CNTN3: variants seen among roughly 807,000 people sequenced by gnomAD.
CNTN3 encodes contactin 3, also known as contactin-3.
In CNTN3, 60 loss-of-function variants were observed where a neutral mutation model predicts 119.1. That is an observed-to-expected ratio of 0.50 (90% CI 0.41 to 0.62). CNTN3 has a LOEUF of 0.62. Ranked by LOEUF, CNTN3 falls within the 20% of genes least tolerant of loss-of-function variation. The pLI is 0.00. For missense variants in CNTN3, 1,101 were observed against 1,242.4 expected (o/e 0.89, Z 1.71); for synonymous variants, 450 against 438.7 (o/e 1.03, Z -0.32).
At chr3:74,465,786 A>G (rs1204949409) in intron 4 of CNTN3, among the ~76,000 whole-genome samples, 1 of 152,124 alleles carries the variant, frequency 6.6e-6, no homozygotes, top group Admixed American at 6.5e-5. Flanking sequence ...CAGGGCTCCT[A>G]TTTCAAGCTT....
intron 4 of CNTN3, among the ~76,000 whole-genome samples, chr3:74,473,795 G>A (rs1053790812): frequency 1.3e-5 from 2 of 152,148 alleles, no homozygotes; most frequent in Non-Finnish European, 2.9e-5. Flanking sequence ...GTACAGACCC[G>A]GGGGAAGGGT....
chr3:74,584,589 G>T (rs1015700102), intron 1 of CNTN3, among the ~76,000 whole-genome samples: 1 of 152,074 alleles, frequency 6.6e-6, no homozygotes, highest in African/African-American at 2.4e-5. Context: ...TGTACAGTCT[G>T]CAGATCCGTG....
At chr3:74,591,819 G>A (rs78222364) in intron 1 of CNTN3, among the ~76,000 whole-genome samples, 2 of 151,868 alleles carry the variant, frequency 1.3e-5, no homozygotes, top group Admixed American at 6.6e-5. Context: ...AATCAAGAGC[G>A]AGACATTCAG....
At chr3:74,574,707 C>T (rs984806440) in intron 1 of CNTN3, among the ~76,000 whole-genome samples, 1 of 152,128 alleles carries the variant, frequency 6.6e-6, no homozygotes, top group African/African-American at 2.4e-5. Flanking sequence ...TGTTACCAAA[C>T]TGGGTTAACT....
At chr3:74,317,724 C>T (rs1166900362) in intron 13 of CNTN3, among the ~76,000 whole-genome samples, 4 of 152,176 alleles carry the variant, frequency 2.6e-5, no homozygotes, top group Admixed American at 1.3e-4. Context: ...GTCTGATGGG[C>T]TTCCCTTTGT....
chr3:74,602,626 T>C (rs1324888101), intron 1 of CNTN3, among the ~76,000 whole-genome samples: 2 of 152,102 alleles, frequency 1.3e-5, no homozygotes, highest in Non-Finnish European at 2.9e-5. Flanking sequence ...TTTTGGGGCA[T>C]AGTTCTTGTT....
chr3:74,378,301 G>A (rs932535604), intron 5 of CNTN3, among the ~76,000 whole-genome samples: 16 of 152,278 alleles, frequency 1.1e-4, no homozygotes, highest in East Asian at 1.9e-4. Flanking sequence ...TGAAGAGTCC[G>A]CACTGTAAAC....
chr3:74,605,710 T>C (rs2106710877), intron 1 of CNTN3, among the ~76,000 whole-genome samples: 1 of 152,300 alleles, frequency 6.6e-6, no homozygotes, highest in South Asian at 2.1e-4. Flanking sequence ...TCAAGGAGGC[T>C]TGCCTGGACT....
At chr3:74,478,108 A>T (rs866530166) in intron 4 of CNTN3, among the ~76,000 whole-genome samples, 1 of 152,170 alleles carries the variant, frequency 6.6e-6, no homozygotes, top group African/African-American at 2.4e-5. Flanking sequence ...AACAAAGTAC[A>T]AATGTAAATG....
chr3:74,311,053 G>T (rs542918311), intron 13 of CNTN3, among the ~76,000 whole-genome samples: 5 of 152,302 alleles, frequency 3.3e-5, no homozygotes, highest in African/African-American at 1.2e-4. Context: ...ACTGTGCCAA[G>T]AATCCAAGAT....
At position 74,302,690 on chromosome 3, in the gene CNTN3, C is replaced by T; in HGVS notation, c.1786G>A (p.Gly596Ser). 6.3e-7 allele frequency: 1 copy of T among 1,591,646 alleles called. No homozygotes were observed. Among genetic ancestry groups the T allele is most frequent in the Admixed American group, 1.7e-5 (1 of 59,608 alleles). Residue 596 changes from glycine (G) to serine (S), a missense_variant and splice_region_variant, in exon 14 of 23, where the codon GGT (glycine) becomes AGT (serine). Gly to Ser is a moderately conservative substitution (Grantham distance 56). Coordinates refer to ENST00000263665, the MANE Select transcript of CNTN3 (RefSeq NM_020872.3). Reference protein sequence around the residue: ...VSSAADLIVRGSPGPPENVKV... With the variant: ...VSSAADLIVRSSPGPPENVKV... The stretch of plus-strand genomic sequence containing the variant: ...ACTCAAGGGGGCATAAATGTTTTAC[C>T]TCTTACTATGAGGTCAGCAGCAGAT...
intron 5 of CNTN3, among the ~76,000 whole-genome samples, chr3:74,408,530 C>T (rs1701379619): frequency 6.6e-6 from 1 of 152,110 alleles, no homozygotes; most frequent in African/African-American, 2.4e-5. Context: ...TAATTGAGGC[C>T]TAAAACTGGC....
chr3:74,497,328 AG>A, intron 3 of CNTN3, among the ~76,000 whole-genome samples: 1 of 152,104 alleles, frequency 6.6e-6, no homozygotes, highest in Non-Finnish European at 1.5e-5. Flanking sequence ...ATTAAAAGGT[AG>A]GAAAAAAATA....
chr3:74,512,800 A>G (rs992135938), intron 2 of CNTN3, among the ~76,000 whole-genome samples: 4 of 151,908 alleles, frequency 2.6e-5, no homozygotes, highest in Non-Finnish European at 1.5e-5. Context: ...TCACTCAGAA[A>G]CCCACACAGT....
intron 5 of CNTN3, among the ~76,000 whole-genome samples, chr3:74,391,933 C>G (rs1219682250): frequency 1.3e-5 from 2 of 152,186 alleles, no homozygotes; most frequent in African/African-American, 4.8e-5. Flanking sequence ...GCTGGGATTA[C>G]AGGTGTGAGC....
intron 5 of CNTN3, among the ~76,000 whole-genome samples, chr3:74,391,824 A>AT (rs1417160104): frequency 1.3e-5 from 2 of 151,976 alleles, no homozygotes; most frequent in Non-Finnish European, 2.9e-5. Flanking sequence ...CGCCCGGCTA[A>AT]TTTTTTGTAT....
At chr3:74,458,037 G>A (rs1164652961) in intron 4 of CNTN3, among the ~76,000 whole-genome samples, 5 of 151,880 alleles carry the variant, frequency 3.3e-5, no homozygotes, top group South Asian at 4.1e-4. Flanking sequence ...CATGAAGCAG[G>A]GTAAATAGGT....
intron 4 of CNTN3, among the ~76,000 whole-genome samples, chr3:74,456,131 G>A (rs1702264227): frequency 6.6e-6 from 1 of 151,938 alleles, no homozygotes; most frequent in Non-Finnish European, 1.5e-5. Flanking sequence ...CAGGCATATA[G>A]CAATTGCTGC....
intron 5 of CNTN3, among the ~76,000 whole-genome samples, chr3:74,404,550 A>G (rs1285825526): frequency 6.6e-6 from 1 of 152,054 alleles, no homozygotes; most frequent in Non-Finnish European, 1.5e-5. Context: ...TTTTCCTTGT[A>G]GACATCAACA....
Sources: allele counts gnomAD v4.1 joint callset (sites outside exome capture counted in the v4.1 genomes callset), GRCh38; gene constraint gnomAD v4.1.1; transcripts MANE v1.5; gene names NCBI Gene and HGNC (gene_info 2026-07-23, HGNC 2026-07-21).